ANKRD34B: variants seen among roughly 807,000 people sequenced by gnomAD.
ANKRD34B encodes the protein ankyrin repeat domain 34B.
Under a neutral mutation model 4.4 loss-of-function variants are expected in ANKRD34B, and 2 were observed. The observed-to-expected ratio is 0.46, with a 90% CI of 0.19 to 1.44. The LOEUF is 1.44. ANKRD34B is among the 40% of genes most tolerant of loss of function. ANKRD34B has a pLI of 0.26. For missense variants in ANKRD34B, 558 were observed against 604.7 expected (o/e 0.92, Z 0.81); for synonymous variants, 226 against 227.1 (o/e 0.99, Z 0.05).
Position 80,559,786 on chromosome 5 carries a change from G to A in ANKRD34B, c.234C>T (p.Asn78=). Residue 78 remains asparagine, a synonymous_variant, in exon 5 of 5, where the codon AAC becomes AAT. Coordinates refer to ENST00000338682, the MANE Select transcript of ANKRD34B (RefSeq NM_001004441.3). ...KYLLENNADP[N]IQDKSGKTAL... ...CCGTTTTCCCAGATTTGTCCTGTAT[G>A]TTGGGATCGGCATTGTTCTCTAACA... 2.5e-6 allele frequency: 4 copies of A among 1,614,212 alleles called. No homozygotes were observed. Among genetic ancestry groups the A allele is most frequent in the Non-Finnish European group, 3.4e-6 (4 of 1,180,032 alleles).
chr5:80,558,358 A>G lies in ANKRD34B; in HGVS notation c.*117T>C, dbSNP rs1338126560. On this transcript the variant is annotated 3_prime_UTR_variant, in exon 5 of 5. Coordinates refer to ENST00000338682, the MANE Select transcript of ANKRD34B (RefSeq NM_001004441.3). ...AATCACATTACATTTTAATCCATCT[A>G]GCCATTATGGACTAACCAATCACGA... is the stretch of plus-strand genomic sequence containing the variant. 5 of 764,538 alleles carry G rather than the reference A, an allele frequency of 6.5e-6. No homozygotes were observed. Among genetic ancestry groups the G allele is most frequent in the South Asian group, 1.9e-5 (1 of 52,794 alleles). The allele number at this position is 764,538 out of a possible 1,614,324, so 47.4% of individuals were successfully genotyped here.
chr5:80,566,463 G>T (rs1475708930), intron 3 of ANKRD34B, among the ~76,000 whole-genome samples: 1 of 152,172 alleles, frequency 6.6e-6, no homozygotes, highest in Non-Finnish European at 1.5e-5. Context: ...CTTAGAGGCA[G>T]CTTGCTGAAA....
chr5:80,569,053 A>C lies in ANKRD34B; in HGVS notation c.-284T>G, dbSNP rs553952382. On this transcript the variant is annotated 5_prime_UTR_variant, in exon 2 of 5. Transcript: ENST00000338682. ...TCCACGGTCCCCGCCGACCCCTGGA[A>C]CCAGGCGCGTTTCCTCAGTTTTTCC... 1.5e-4 allele frequency: 23 copies of C among 152,340 alleles called. No homozygotes were observed. Among genetic ancestry groups the C allele is most frequent in the African/African-American group, 5.3e-4 (22 of 41,548 alleles). 9.4% of individuals were successfully genotyped at this position (152,340 alleles called of 1,614,324 possible).
intron 4 of ANKRD34B, among the ~76,000 whole-genome samples, chr5:80,561,947 A>G (rs1746415799): frequency 1.3e-5 from 2 of 152,134 alleles, no homozygotes; most frequent in Admixed American, 1.3e-4. Context: ...TTAAAACCAA[A>G]GAATTTTGTC....
At chr5:80,569,705 G>C (rs1348674102) in intron 1 of ANKRD34B, among the ~76,000 whole-genome samples, 1 of 152,072 alleles carries the variant, frequency 6.6e-6, no homozygotes, top group African/African-American at 2.4e-5. Flanking sequence ...CCCCCGCCCC[G>C]CATCCTCCTC....
intron 2 of ANKRD34B, among the ~76,000 whole-genome samples, chr5:80,568,629 A>G (rs540560032): frequency 2.6e-5 from 4 of 152,142 alleles, no homozygotes; most frequent in Non-Finnish European, 4.4e-5. Flanking sequence ...CACCCAAGGA[A>G]AGGGGCAGAG....
rs145002867 is a variant in ANKRD34B, at chr5:80,558,985, A to C, written c.1035T>G (p.Asp345Glu). The C allele has an allele frequency of 9.8e-5, 158 of 1,614,076 alleles. No homozygotes were observed. The highest frequency in any genetic ancestry group is 1.3e-4 in the Non-Finnish European group (151 of 1,180,048). The change falls in exon 5 of 5, where the codon GAT (aspartate) becomes GAG (glutamate). Residue 345 changes from aspartate to glutamate, a missense_variant. Asp to Glu is a conservative substitution (Grantham distance 45). Coordinates refer to ENST00000338682, the MANE Select transcript of ANKRD34B (RefSeq NM_001004441.3). ...CIEVPVDQDP[D>E]SNQTIFASTL... ...TGGAAGCAAATATTGTCTGGTTAGA[A>C]TCTGGGTCCTGGTCAACAGGGACTT...
In ANKRD34B at chr5:80,558,228, T is replaced by G; in HGVS notation, c.*247A>C. 2 of 268,960 alleles carry G rather than the reference T, an allele frequency of 7.4e-6. No homozygotes were observed. The highest frequency in any genetic ancestry group is 6.9e-6 in the Non-Finnish European group (1 of 144,412). 16.7% of individuals were successfully genotyped at this position (268,960 alleles called of 1,614,324 possible). ...ATGACAAATTTGGACTACATGGAGA[T>G]TGTTAAATATTAGAAGCATTGAGAA... On this transcript the variant is annotated 3_prime_UTR_variant, in exon 5 of 5. Coordinates refer to ENST00000338682, the MANE Select transcript of ANKRD34B (RefSeq NM_001004441.3).
At chr5:80,566,185 A>G (rs1746560680) in intron 3 of ANKRD34B, among the ~76,000 whole-genome samples, 1 of 152,172 alleles carries the variant, frequency 6.6e-6, no homozygotes, top group African/African-American at 2.4e-5. Context: ...GGAGTGGCAA[A>G]TGGCCTTAGC....
chr5:80,558,227 A>G lies in ANKRD34B; in HGVS notation c.*248T>C, dbSNP rs1746303264. The G allele has an allele frequency of 3.7e-6, 1 of 267,766 alleles. No homozygotes were observed. The highest frequency in any genetic ancestry group is 1.1e-4 in the South Asian group (1 of 8,772). The allele number at this position is 267,766 out of a possible 1,614,324, so 16.6% of individuals were successfully genotyped here. A position where few individuals can be genotyped will look rare whatever the true frequency, so the allele number is the denominator to read the frequency against. ...AATGACAAATTTGGACTACATGGAG[A>G]TTGTTAAATATTAGAAGCATTGAGA... On this transcript the variant is annotated 3_prime_UTR_variant, in exon 5 of 5. Transcript: ENST00000338682.
chr5:80,564,858 A>G (rs1253193793), intron 3 of ANKRD34B, among the ~76,000 whole-genome samples: 1 of 152,108 alleles, frequency 6.6e-6, no homozygotes, highest in African/African-American at 2.4e-5. Flanking sequence ...GGTGTGTGCC[A>G]CCACACCCAG....
chr5:80,567,665 T>C (rs1746617128), intron 2 of ANKRD34B, among the ~76,000 whole-genome samples: 1 of 119,350 alleles, frequency 8.4e-6, no homozygotes, highest in South Asian at 2.8e-4. Context: ...GGAAAAGTTA[T>C]TTTCTTTTGA....
intron 1 of ANKRD34B, 47 bp downstream of exon 1, chr5:80,570,107 C>G (rs981329451): frequency 1.3e-5 from 2 of 152,500 alleles, no homozygotes; most frequent in African/African-American, 4.8e-5. Flanking sequence ...CCACTGCAAG[C>G]CAAAGTTTCC....
chr5:80,558,850 A>T lies in ANKRD34B; in HGVS notation c.1170T>A (p.Leu390=). The T allele has an allele frequency of 6.2e-7, 1 of 1,613,912 alleles. No homozygotes were observed. The highest frequency in any genetic ancestry group is 1.3e-5 in the African/African-American group (1 of 74,982). ...TPPTSEDGKA[L]IGKKKILSPS... ...GTGAGAGGATCTTTTTCTTTCCTAT[A>T]AGTGCTTTGCCGTCTTCTGAAGTTG... Residue 390 remains leucine (L), a synonymous_variant, in exon 5 of 5, where the codon CTT becomes CTA. Coordinates refer to ENST00000338682, the MANE Select transcript of ANKRD34B (RefSeq NM_001004441.3).
In ANKRD34B at chr5:80,559,618, C is replaced by A; in HGVS notation, c.402G>T (p.Leu134=). ...CCTTGCAAGCACTAAGAAGAACTTTCAGGGTCTCTGTATCTTCTGAATTTA... is the reference window on the plus strand; with the variant it reads ...CCTTGCAAGCACTAAGAAGAACTTTAAGGGTCTCTGTATCTTCTGAATTTA... ...YAINSEDTET[L]KVLLSACKAK... The change falls in exon 5 of 5, where the codon CTG becomes CTT. Residue 134 remains leucine, a synonymous_variant. Coordinates refer to ENST00000338682, the MANE Select transcript of ANKRD34B (RefSeq NM_001004441.3). 1 of 1,614,212 alleles carries A rather than the reference C, an allele frequency of 6.2e-7. No homozygotes were observed.
chr5:80,558,797 T>C lies in ANKRD34B; in HGVS notation c.1223A>G (p.Lys408Arg), dbSNP rs144768879. Residue 408 changes from lysine to arginine, a missense_variant, in exon 5 of 5, where the codon AAA (lysine) becomes AGA (arginine). Physicochemically the swap from Lys to Arg is conservative, Grantham distance 26. Transcript: ENST00000338682. ...SPSPSQLSES[K>R]ELLENIPPGP... ...TGGGGGGATATTCTCCAACAATTCTTTGGACTCTGACAATTGGGAAGGAGA... is the reference window on the plus strand; with the variant it reads ...TGGGGGGATATTCTCCAACAATTCTCTGGACTCTGACAATTGGGAAGGAGA... 10 of 1,614,142 alleles carry C rather than the reference T, an allele frequency of 6.2e-6. No homozygotes were observed. The highest frequency in any genetic ancestry group is 7.6e-6 in the Non-Finnish European group (9 of 1,180,022).
chr5:80,568,775 G>A (rs1746650790), intron 2 of ANKRD34B, among the ~76,000 whole-genome samples, 185 bp downstream of exon 2: 1 of 152,022 alleles, frequency 6.6e-6, no homozygotes, highest in Non-Finnish European at 1.5e-5. Context: ...GGTTTGCTGT[G>A]TTTCCCACAC....
chr5:80,569,131 G>C (rs933498600), intron 1 of ANKRD34B, 24 bp from the exon 2 acceptor site: 1 of 152,428 alleles, frequency 6.6e-6, no homozygotes, highest in African/African-American at 2.4e-5. Context: ...GCAAAGGAAG[G>C]TGACTGGGGC....
intron 2 of ANKRD34B, among the ~76,000 whole-genome samples, chr5:80,568,618 C>A (rs748626963): frequency 6.6e-6 from 1 of 152,118 alleles, no homozygotes; most frequent in African/African-American, 2.4e-5. Flanking sequence ...GTACCTCCTC[C>A]CACCCAAGGA....
Sources: allele counts gnomAD v4.1 joint callset (sites outside exome capture counted in the v4.1 genomes callset), GRCh38; gene constraint gnomAD v4.1.1; transcripts MANE v1.5; gene names NCBI Gene and HGNC (gene_info 2026-07-23, HGNC 2026-07-21).